The following EPHB1 variants were observed in gnomAD, a reference collection of about 807,000 sequenced individuals.
EPHB1 encodes the protein ephrin type-B receptor 1.
In EPHB1, 30 loss-of-function variants were observed where a neutral mutation model predicts 94.4. The ratio of observed to expected loss-of-function variants is 0.32; its 90% CI spans 0.24 to 0.43. EPHB1 has a LOEUF of 0.43. EPHB1 is among the 20% of genes least tolerant of loss of function. The pLI is 1.00. For missense variants in EPHB1, 1,055 were observed against 1,308.3 expected (o/e 0.81, Z 2.99); for synonymous variants, 522 against 489.1 (o/e 1.07, Z -0.89).
At position 134,950,201 on chromosome 3, in the gene EPHB1, T is replaced by C. The variant is rs115683877; in HGVS notation, c.124-1170T>C. 6.0e-3 allele frequency among the ~76,000 whole-genome samples: 916 copies of C among 152,356 alleles called. 3 individuals are homozygous for C. Among genetic ancestry groups the C allele is most frequent in the African/African-American group, 0.021 (862 of 41,580 alleles). ...GTTGTTCTTCTCTTTTATTCCAATC[T>C]ACAGGACTGCTATAAATGGGAGCTC... On this transcript the variant is annotated intron_variant, in intron 2 of 15. Transcript: ENST00000398015.
At chr3:134,974,863 G>A (rs944484284) in intron 3 of EPHB1, among the ~76,000 whole-genome samples, 1 of 101,638 alleles carries the variant, frequency 9.8e-6, no homozygotes, top group Non-Finnish European at 1.9e-5. Context: ...CACGGGAGGG[G>A]CTCTCAGCAC....
intron 1 of EPHB1, among the ~76,000 whole-genome samples, chr3:134,812,002 G>A (rs892371963): frequency 2.6e-5 from 4 of 152,292 alleles, no homozygotes; most frequent in South Asian, 2.1e-4. Context: ...GCCAGTAGGT[G>A]TGGAAGCATT....
intron 1 of EPHB1, among the ~76,000 whole-genome samples, chr3:134,922,642 C>T (rs1301116839): frequency 1.3e-5 from 2 of 152,248 alleles, no homozygotes; most frequent in African/African-American, 4.8e-5. Context: ...CCACCATCCT[C>T]TGCCCGCTCC....
At chr3:135,205,665 C>T (rs1430225326) in intron 12 of EPHB1, among the ~76,000 whole-genome samples, 1 of 152,138 alleles carries the variant, frequency 6.6e-6, no homozygotes, top group African/African-American at 2.4e-5. Flanking sequence ...TGGCAGAGAA[C>T]AGTCATATGC....
chr3:135,220,665 T>G (rs1280880385), intron 12 of EPHB1, among the ~76,000 whole-genome samples: 1 of 151,368 alleles, frequency 6.6e-6, no homozygotes, highest in African/African-American at 2.4e-5. Flanking sequence ...CTTTCTTTAT[T>G]CCCTGTGGCC....
At chr3:134,816,809 G>C (rs2036282155) in intron 1 of EPHB1, among the ~76,000 whole-genome samples, 1 of 152,090 alleles carries the variant, frequency 6.6e-6, no homozygotes, top group South Asian at 2.1e-4. Flanking sequence ...GTGCTGGGGC[G>C]ATGTTCAGTA....
At chr3:134,908,248 G>A (rs1222719986) in intron 1 of EPHB1, among the ~76,000 whole-genome samples, 3 of 152,168 alleles carry the variant, frequency 2.0e-5, no homozygotes, top group South Asian at 2.1e-4. Context: ...TCAGTGTGTC[G>A]GCATGGAGGT....
chr3:134,905,003 G>A (rs2107691478), intron 1 of EPHB1, among the ~76,000 whole-genome samples: 1 of 152,304 alleles, frequency 6.6e-6, no homozygotes, highest in South Asian at 2.1e-4. Context: ...GATCTCTACA[G>A]GAGCTGAAAC....
intron 3 of EPHB1, among the ~76,000 whole-genome samples, chr3:134,984,810 G>A (rs779151526): frequency 6.6e-6 from 1 of 152,182 alleles, no homozygotes; most frequent in Non-Finnish European, 1.5e-5. Flanking sequence ...GCCTTGAAGA[G>A]GCCTAGCGAA....
chr3:135,164,171 A>G (rs1941585990), intron 7 of EPHB1, among the ~76,000 whole-genome samples: 1 of 152,230 alleles, frequency 6.6e-6, no homozygotes, highest in Non-Finnish European at 1.5e-5. Context: ...TCTATCGCCA[A>G]CTTTATGTTT....
In EPHB1 at chr3:134,796,904, C is replaced by G. The variant is rs547962362; in HGVS notation, c.58+1215C>G. ...CGCTCCGCTTGTTACTCGTTCCTCG[C>G]GAAACTGTGACCGGTTGCCCAGTGG... On this transcript the variant is annotated intron_variant, in intron 1 of 15. Coordinates refer to ENST00000398015, the MANE Select transcript of EPHB1 (RefSeq NM_004441.5). Among the ~76,000 whole-genome samples the G allele has an allele frequency of 2.6e-5, 4 of 152,348 alleles. No homozygotes were observed. The East Asian group carries it at 7.7e-4, about 29-fold the overall frequency.
At chr3:134,979,908 G>GTTT (rs1447272857) in intron 3 of EPHB1, among the ~76,000 whole-genome samples, 1 of 151,932 alleles carries the variant, frequency 6.6e-6, no homozygotes, top group African/African-American at 2.4e-5. Context: ...CCCTTAATCA[G>GTTT]TTTTTTTTGT....
intron 1 of EPHB1, among the ~76,000 whole-genome samples, chr3:134,894,281 G>A (rs955753427): frequency 2.6e-5 from 4 of 152,164 alleles, no homozygotes; most frequent in Non-Finnish European, 5.9e-5. Flanking sequence ...AGTTCAGCAT[G>A]GTGTGGCTTG....
intron 3 of EPHB1, among the ~76,000 whole-genome samples, chr3:135,053,207 G>T (rs894438399): frequency 6.6e-6 from 1 of 150,820 alleles, no homozygotes; most frequent in African/African-American, 2.4e-5. Context: ...GTCTCAACAC[G>T]TAGAAATGAT....
chr3:135,080,347 C>A (rs1331589379), intron 3 of EPHB1, among the ~76,000 whole-genome samples: 1 of 152,110 alleles, frequency 6.6e-6, no homozygotes, highest in Admixed American at 6.5e-5. Context: ...GGGAGGGGTG[C>A]AGGAGGAGAA....
At chr3:135,040,746 C>T (rs1003891096) in intron 3 of EPHB1, among the ~76,000 whole-genome samples, 10 of 152,164 alleles carry the variant, frequency 6.6e-5, no homozygotes, top group Middle Eastern at 3.2e-3. Flanking sequence ...CTGCTCTGCC[C>T]GGCCTCAAAG....
In EPHB1 at chr3:135,228,951, AC is replaced by A. The variant is rs532486840; in HGVS notation, c.2347-12190del. Among the ~76,000 whole-genome samples, 5 of 151,642 alleles carry A rather than the reference AC, an allele frequency of 3.3e-5. No individual in the cohort carries two copies. In the East Asian group the frequency reaches 9.7e-4, roughly 29 times the overall value. ...ATCTGGAATGGGAGGTTTCAAGAGC[AC>A]CCCCCCACTTTTTACCAGGTGTGGA... is the stretch of plus-strand genomic sequence containing the variant. On this transcript the variant is annotated intron_variant, in intron 12 of 15. Transcript: ENST00000398015.
chr3:134,919,407 C>G (rs969324124), intron 1 of EPHB1, among the ~76,000 whole-genome samples: 17 of 152,182 alleles, frequency 1.1e-4, no homozygotes, highest in African/African-American at 4.1e-4. Context: ...GGCTGGTGCC[C>G]TTAACAGTTT....
chr3:135,004,525 G>A (rs7621262), intron 3 of EPHB1, among the ~76,000 whole-genome samples: 15 of 152,226 alleles, frequency 9.9e-5, no homozygotes, highest in Middle Eastern at 3.4e-3. Flanking sequence ...GATTTGGGAA[G>A]TTCTCCTGGA....
Sources: gnomAD v4.1 joint callset for allele counts (sites outside exome capture counted in the v4.1 genomes callset) on GRCh38, gnomAD v4.1.1 for gene constraint, MANE v1.5 for transcripts, NCBI Gene and HGNC (gene_info 2026-07-23, HGNC 2026-07-21) for gene names.